Variants in UBE3B observed in about 807,000 individuals in gnomAD.
UBE3B encodes ubiquitin-protein ligase E3B.
A neutral mutation model predicts 132.3 loss-of-function variants in UBE3B; 80 were observed. That is an observed-to-expected ratio of 0.60 (90% CI 0.50 to 0.73). UBE3B has a LOEUF of 0.73. Among genes scored for constraint, UBE3B ranks in the 30% least tolerant of loss-of-function variants. UBE3B has a pLI of 0.00. For synonymous variants in UBE3B, 487 were observed against 520.4 expected (o/e 0.94, Z 0.87); for missense variants, 1,196 against 1,362.5 (o/e 0.88, Z 1.92).
chr12:109,545,905 A>T, the UBE3B span, among the ~76,000 whole-genome samples: 1 of 152,164 alleles, frequency 6.6e-6, no homozygotes, highest in South Asian at 2.1e-4. Context: ...GCAGAGCTGG[A>T]TTTCAGGGTG....
chr12:109,486,018 G>C lies in UBE3B; in HGVS notation c.289G>C (p.Glu97Gln). ...FRIKEDNERF[E>Q]KLCRSILSSM... ...CCAGTGTGTCTCTTTGCAGAGATTT[G>C]AGAAGTTGTGTCGCAGCATCCTGAG... Residue 97 changes from glutamate to glutamine, a missense_variant, in exon 5 of 28, where the codon GAG becomes CAG. Physicochemically the swap from Glu to Gln is conservative, Grantham distance 29. Transcript: ENST00000342494. 2 of 1,553,806 alleles carry C rather than the reference G, an allele frequency of 1.3e-6. No individual in the cohort carries two copies. Among genetic ancestry groups the C allele is most frequent in the Non-Finnish European group, 1.7e-6 (2 of 1,147,972 alleles).
intron 4 of UBE3B, among the ~76,000 whole-genome samples, chr12:109,485,731 G>A (rs1282088462): frequency 6.6e-6 from 1 of 152,174 alleles, no homozygotes; most frequent in Non-Finnish European, 1.5e-5. Flanking sequence ...GATTGATACT[G>A]TTTTTTGAAA....
Position 109,534,093 on chromosome 12 carries a change from G to T in UBE3B, c.3016-498G>T, listed in dbSNP as rs1030729981. On this transcript the variant is annotated intron_variant, in intron 27 of 27. Coordinates refer to ENST00000342494, the MANE Select transcript of UBE3B (RefSeq NM_130466.4). This position sits in a 1 kb window ranked among gnomAD's most constrained non-coding sequence, Gnocchi z 5.2. ...TCCTACTCCCCATAAAAACCCAGTG[G>T]CCGCCTCTGGGTGTAGCTGCCTCTC... 5 of 1,294,756 alleles carry T rather than the reference G, an allele frequency of 3.9e-6. No homozygotes were observed. In the African/African-American group the frequency reaches 7.6e-5, roughly 20 times the overall value. The allele number at this position is 1,294,756 out of a possible 1,614,324, so 80.2% of individuals were successfully genotyped here.
At chr12:109,544,259 C>T in the UBE3B span, among the ~76,000 whole-genome samples, 1 of 152,078 alleles carries the variant, frequency 6.6e-6, no homozygotes, top group Admixed American at 6.6e-5. Flanking sequence ...TTGCCCAGCC[C>T]ACGTTGCTGC....
intron 7 of UBE3B, among the ~76,000 whole-genome samples, chr12:109,489,599 G>A (rs938866160): frequency 1.3e-5 from 2 of 152,212 alleles, no homozygotes; most frequent in African/African-American, 4.8e-5. Flanking sequence ...TCCCCCTGGC[G>A]AAGGCAGTGC....
intron 9 of UBE3B, chr12:109,491,811 C>T (rs1358836801): frequency 6.6e-6 from 1 of 152,242 alleles, no homozygotes; most frequent in Admixed American, 6.5e-5. Context: ...TGTGGATCTA[C>T]AGTACACCTT....
At chr12:109,490,186 G>C in intron 8 of UBE3B, 182 bp downstream of exon 8, 2 of 862,876 alleles carry the variant, frequency 2.3e-6, no homozygotes, top group Non-Finnish European at 3.8e-6. Context: ...GTCAGGTAAA[G>C]GGAGGACAGT....
In UBE3B at chr12:109,534,773, A is replaced by C; in HGVS notation, c.3198A>C (p.Glu1066Asp). Residue 1066 changes from glutamate to aspartate, a missense_variant, in exon 28 of 28, where the codon GAA becomes GAC. Coordinates refer to ENST00000342494, the MANE Select transcript of UBE3B (RefSeq NM_130466.4). The surrounding 1 kb of genome is among the most constrained non-coding windows in gnomAD (Gnocchi z 5.2). ...RYAISMNTGF[E>D]LS ...CCATCAGCATGAACACGGGCTTTGA[A>C]CTCTCCTAGCTCCTGTCCCAGCCCT... is the stretch of plus-strand genomic sequence containing the variant. The C allele has an allele frequency of 1.9e-6, 3 of 1,547,352 alleles. No homozygotes were observed. The highest frequency in any genetic ancestry group is 2.6e-6 in the Non-Finnish European group (3 of 1,145,858).
At chr12:109,533,376 C>A in intron 26 of UBE3B, 90 bp from the exon 27 acceptor site, 3 of 1,235,692 alleles carry the variant, frequency 2.4e-6, no homozygotes, top group Non-Finnish European at 3.6e-6. Flanking sequence ...CGGTAACAGA[C>A]AGAGCAAACA....
chr12:109,492,228 G>A (rs1208574339), intron 9 of UBE3B: 4 of 152,200 alleles, frequency 2.6e-5, no homozygotes, highest in African/African-American at 9.7e-5. Flanking sequence ...GCCACAGGGG[G>A]CTGTTTAAAT....
At chr12:109,502,907 C>G in intron 13 of UBE3B, 116 bp from the exon 14 acceptor site, 5 of 1,261,464 alleles carry the variant, frequency 4.0e-6, no homozygotes, top group South Asian at 3.8e-5. Context: ...GTGAGTTGCC[C>G]CACTGTCTGG....
At chr12:109,532,630 G>T (rs1348953823) in intron 26 of UBE3B, among the ~76,000 whole-genome samples, 1 of 152,180 alleles carries the variant, frequency 6.6e-6, no homozygotes, top group Admixed American at 6.5e-5. Flanking sequence ...TAGATTTCCA[G>T]GCTGGTCAGA....
the UBE3B span, among the ~76,000 whole-genome samples, chr12:109,542,149 G>T: frequency 6.6e-6 from 1 of 152,122 alleles, no homozygotes; most frequent in Non-Finnish European, 1.5e-5. Context: ...ATAGGGTGAG[G>T]GGGTGAAAAG....
At chr12:109,485,207 A>G (rs184194650) in intron 4 of UBE3B, among the ~76,000 whole-genome samples, 4 of 152,360 alleles carry the variant, frequency 2.6e-5, no homozygotes, top group East Asian at 3.9e-4. Flanking sequence ...AGTACTAACA[A>G]TGCCACTGAG....
Position 109,521,667 on chromosome 12 carries a change from C to T in UBE3B, c.2364+116C>T, listed in dbSNP as rs1442686032. The T allele has an allele frequency of 1.1e-5, 11 of 957,744 alleles. No homozygotes were observed. The highest frequency in any genetic ancestry group is 1.6e-5 in the Non-Finnish European group (11 of 671,076). The allele number at this position is 957,744 out of a possible 1,614,324, so 59.3% of individuals were successfully genotyped here. On this transcript the variant is annotated intron_variant, in intron 21 of 27. Coordinates refer to ENST00000342494, the MANE Select transcript of UBE3B (RefSeq NM_130466.4). This position sits in a 1 kb window ranked among gnomAD's most constrained non-coding sequence, Gnocchi z 4.2. Reference sequence around the variant, plus strand: ...ATGTAAACTGTCACTAGGATACAAGCGAGGACAGGGGCAGGAACCAAGGTT... The same window carrying T: ...ATGTAAACTGTCACTAGGATACAAGTGAGGACAGGGGCAGGAACCAAGGTT...
rs548758258 is a variant in UBE3B, at chr12:109,534,056, C to T, written c.3015+498C>T. 1.5e-6 allele frequency: 2 copies of T among 1,294,736 alleles called. No individual in the cohort carries two copies. The highest frequency in any genetic ancestry group is 1.0e-6 in the Non-Finnish European group (1 of 992,822). 80.2% of individuals were successfully genotyped at this position (1,294,736 alleles called of 1,614,324 possible). ...TCTCAAGCCTGGCCCACTGTGGGTG[C>T]TCAAATGAGAGTCCTACTCCCCATA... On this transcript the variant is annotated intron_variant, in intron 27 of 27. Transcript: ENST00000342494. The surrounding 1 kb of genome is among the most constrained non-coding windows in gnomAD (Gnocchi z 5.2).
chr12:109,488,318 C>G (rs575369954), intron 6 of UBE3B, among the ~76,000 whole-genome samples: 4 of 152,292 alleles, frequency 2.6e-5, no homozygotes, highest in African/African-American at 9.6e-5. Context: ...ATCTTGTTTT[C>G]TAGGGATTCT....
chr12:109,493,253 T>A (rs1877723069), intron 9 of UBE3B, among the ~76,000 whole-genome samples: 1 of 152,228 alleles, frequency 6.6e-6, no homozygotes, highest in Non-Finnish European at 1.5e-5. Context: ...TCCAGCAGCA[T>A]TGCCCACTGT....
chr12:109,512,743 A>G (rs531001996), intron 18 of UBE3B, among the ~76,000 whole-genome samples: 1 of 152,136 alleles, frequency 6.6e-6, no homozygotes. Context: ...CCCCTCAAGC[A>G]GTGATGTGCA....
Sources: allele counts gnomAD v4.1 joint callset (sites outside exome capture counted in the v4.1 genomes callset), GRCh38; gene constraint gnomAD v4.1.1; non-coding constraint Gnocchi (gnomAD v3.1); transcripts MANE v1.5; gene names NCBI Gene and HGNC (gene_info 2026-07-23, HGNC 2026-07-21).